KIF26B: variants seen among roughly 807,000 people sequenced by gnomAD.
The protein encoded by KIF26B is kinesin-like protein KIF26B.
In KIF26B, 63 loss-of-function variants were observed where a neutral mutation model predicts 151.2. That is an observed-to-expected ratio of 0.42 (90% CI 0.34 to 0.51). The LOEUF is 0.51. Among genes scored for constraint, KIF26B ranks in the 20% least tolerant of loss-of-function variants. The pLI is 0.07. For missense variants in KIF26B, 2,813 were observed against 2,913.6 expected (o/e 0.97, Z 0.79); for synonymous variants, 1,357 against 1,262.1 (o/e 1.08, Z -1.59).
At position 245,516,905 on chromosome 1, in the gene KIF26B, G is replaced by A. The variant is rs538382367; in HGVS notation, c.1167-23862G>A. ...CGGAGTTTGGGGGTGGGGAGGGGGCGCTGGGCTGATTGCCCTGGCTGCTCC... is the reference window on the plus strand; with the variant it reads ...CGGAGTTTGGGGGTGGGGAGGGGGCACTGGGCTGATTGCCCTGGCTGCTCC... On this transcript the variant is annotated intron_variant, in intron 4 of 14. Coordinates refer to ENST00000407071, the MANE Select transcript of KIF26B (RefSeq NM_018012.4). This position sits in a 1 kb window ranked among gnomAD's most constrained non-coding sequence, Gnocchi z 4.2. Among the ~76,000 whole-genome samples, 4 of 152,314 alleles carry A rather than the reference G, an allele frequency of 2.6e-5. No homozygotes were observed. The highest frequency in any genetic ancestry group is 1.9e-4 in the East Asian group (1 of 5,184).
intron 4 of KIF26B, among the ~76,000 whole-genome samples, chr1:245,522,071 G>C (rs528995805): frequency 2.0e-5 from 3 of 152,132 alleles, no homozygotes; most frequent in Admixed American, 6.5e-5. Context: ...GGGTTTCACC[G>C]TGTTAGCCAG....
At chr1:245,224,446 T>C (rs1669836687) in intron 2 of KIF26B, among the ~76,000 whole-genome samples, 1 of 152,234 alleles carries the variant, frequency 6.6e-6, no homozygotes, top group Admixed American at 6.5e-5. Flanking sequence ...CATTTTTACC[T>C]GGAAGAGCAA....
intron 2 of KIF26B, among the ~76,000 whole-genome samples, chr1:245,189,871 A>G (rs1669067346): frequency 6.6e-6 from 1 of 152,236 alleles, no homozygotes; most frequent in Non-Finnish European, 1.5e-5. Flanking sequence ...TCATGGTGGA[A>G]GGTGAAAGTC....
rs1478783022 is a variant in KIF26B, at chr1:245,495,176, A to G, written c.1167-45591A>G. 6.6e-6 allele frequency among the ~76,000 whole-genome samples: 1 copy of G among 152,228 alleles called. No homozygotes were observed. The highest frequency in any genetic ancestry group is 2.4e-5 in the African/African-American group (1 of 41,470). Reference sequence around the variant, plus strand: ...TACAAGACAGATTCAGTGAAATGGAATGCAAATCAGTTGAAAATATCCAGA... The same window carrying G: ...TACAAGACAGATTCAGTGAAATGGAGTGCAAATCAGTTGAAAATATCCAGA... On this transcript the variant is annotated intron_variant, in intron 4 of 14. Transcript: ENST00000407071. The surrounding 1 kb of genome is among the most constrained non-coding windows in gnomAD (Gnocchi z 4.2).
intron 4 of KIF26B, among the ~76,000 whole-genome samples, chr1:245,435,479 CCT>C (rs1658895903): frequency 6.6e-6 from 1 of 152,184 alleles, no homozygotes; most frequent in Non-Finnish European, 1.5e-5. Flanking sequence ...TAGTCCATTG[CCT>C]GTCTCCCTTC....
intron 3 of KIF26B, among the ~76,000 whole-genome samples, chr1:245,413,889 C>A (rs1432115610): frequency 6.6e-6 from 1 of 152,184 alleles, no homozygotes; most frequent in African/African-American, 2.4e-5. Flanking sequence ...GCATCCCAAC[C>A]GTGGCTCCTC....
chr1:245,444,104 CACTGTTCACCTAGAGCGGTCATCTCCCTT>C (rs879778547), intron 4 of KIF26B, among the ~76,000 whole-genome samples: 33,527 of 141,932 alleles, frequency 0.24, 5,831 homozygotes, highest in East Asian at 0.46. Flanking sequence ...TCATCTCCCT[CACTGTTCACCTAGAGCGGTCATCTCCCTT>C]ACTGTTCACC....
At chr1:245,238,402 T>C (rs1192057478) in intron 2 of KIF26B, among the ~76,000 whole-genome samples, 1 of 152,180 alleles carries the variant, frequency 6.6e-6, no homozygotes, top group Admixed American at 6.5e-5. Context: ...GAGAGTGATA[T>C]AGAGCAGTGC....
At chr1:245,359,521 A>G (rs1402181647) in intron 2 of KIF26B, among the ~76,000 whole-genome samples, 1 of 152,214 alleles carries the variant, frequency 6.6e-6, no homozygotes, top group Non-Finnish European at 1.5e-5. Flanking sequence ...CATGGAAATG[A>G]ACGCCTCTTG....
Position 245,296,266 on chromosome 1 carries a change from G to A in KIF26B, c.466-70568G>A, listed in dbSNP as rs573669632. ...GTTACATATGGCATTCCCCACTTAG[G>A]AGCAAGTGACTAATATCTGTGTTAA... On this transcript the variant is annotated intron_variant, in intron 2 of 14. Coordinates refer to ENST00000407071, the MANE Select transcript of KIF26B (RefSeq NM_018012.4). 9.2e-5 allele frequency among the ~76,000 whole-genome samples: 14 copies of A among 151,942 alleles called. No individual in the cohort carries two copies. The East Asian group carries it at 2.7e-3, about 29-fold the overall frequency.
chr1:245,292,403 G>T (rs1441743969), intron 2 of KIF26B, among the ~76,000 whole-genome samples: 1 of 152,116 alleles, frequency 6.6e-6, no homozygotes, highest in Non-Finnish European at 1.5e-5. Context: ...TGGCAAGGCG[G>T]CAGAGGGGCT....
chr1:245,406,987 C>T (rs1006280581), intron 3 of KIF26B, among the ~76,000 whole-genome samples: 5 of 152,072 alleles, frequency 3.3e-5, no homozygotes, highest in Admixed American at 3.3e-4. Flanking sequence ...AAGGTTTTAC[C>T]ATGTTGGCCA....
At chr1:245,268,647 G>T (rs1352276091) in intron 2 of KIF26B, among the ~76,000 whole-genome samples, 1 of 152,072 alleles carries the variant, frequency 6.6e-6, no homozygotes, top group Non-Finnish European at 1.5e-5. Flanking sequence ...ATACAAGTCA[G>T]CACACAGGAA....
At chr1:245,409,551 T>C (rs1192469748) in intron 3 of KIF26B, among the ~76,000 whole-genome samples, 1 of 152,240 alleles carries the variant, frequency 6.6e-6, no homozygotes, top group African/African-American at 2.4e-5. Context: ...AGGCCCTGCG[T>C]ATCGCCAGTT....
At chr1:245,211,210 G>T (rs1300944389) in intron 2 of KIF26B, among the ~76,000 whole-genome samples, 1 of 152,116 alleles carries the variant, frequency 6.6e-6, no homozygotes, top group Non-Finnish European at 1.5e-5. Context: ...AGCAGTCACC[G>T]CAAGATCCCC....
chr1:245,273,416 CAAAAAAAAAA>C (rs36085161), intron 2 of KIF26B, among the ~76,000 whole-genome samples: 12 of 127,054 alleles, frequency 9.4e-5, no homozygotes, highest in African/African-American at 2.9e-4. Context: ...AGACTTATCT[CAAAAAAAAAA>C]AAAAAAAAAA....
chr1:245,342,991 C>A (rs1672366851), intron 2 of KIF26B, among the ~76,000 whole-genome samples: 1 of 149,644 alleles, frequency 6.7e-6, no homozygotes, highest in African/African-American at 2.5e-5. Context: ...GAGGCTGAGG[C>A]AGGAGAATTG....
chr1:245,230,397 T>C (rs1459441280), intron 2 of KIF26B, among the ~76,000 whole-genome samples: 1 of 152,156 alleles, frequency 6.6e-6, no homozygotes, highest in East Asian at 1.9e-4. Flanking sequence ...GAAAATCCAA[T>C]TGATGTAAGA....
chr1:245,414,194 A>G (rs927181942), intron 3 of KIF26B, among the ~76,000 whole-genome samples: 5 of 152,208 alleles, frequency 3.3e-5, no homozygotes, highest in Non-Finnish European at 7.4e-5. Context: ...ATCCAGAGTC[A>G]TCTTTGTTAT....
Sources: allele counts gnomAD v4.1 joint callset (sites outside exome capture counted in the v4.1 genomes callset), GRCh38; gene constraint gnomAD v4.1.1; non-coding constraint Gnocchi (gnomAD v3.1); transcripts MANE v1.5; gene names NCBI Gene and HGNC (gene_info 2026-07-23, HGNC 2026-07-21).